The following PPP2R1A variants were observed in gnomAD, a reference collection of about 807,000 sequenced individuals.
The protein encoded by PPP2R1A is protein phosphatase 2 scaffold subunit Aalpha.
Under a neutral mutation model 67.1 loss-of-function variants are expected in PPP2R1A, and 15 were observed. The observed-to-expected ratio is 0.22, with a 90% confidence interval of 0.15 to 0.34. PPP2R1A has a LOEUF of 0.34. Among genes scored for constraint, PPP2R1A ranks in the 10% least tolerant of loss-of-function variants. PPP2R1A has a pLI of 1.00. For missense variants in PPP2R1A, 369 were observed against 775.0 expected (o/e 0.48, Z 6.22); for synonymous variants, 337 against 325.0 (o/e 1.04, Z -0.40).
chr19:52,228,959 G>A lies in PPP2R1A; in HGVS notation c.*2978G>A, dbSNP rs1268170882. 6.6e-6 allele frequency: 1 copy of A among 152,214 alleles called. No individual in the cohort carries two copies. Among genetic ancestry groups the A allele is most frequent in the Non-Finnish European group, 1.5e-5 (1 of 68,076 alleles). The allele number at this position is 152,214 out of a possible 1,614,324, so 9.4% of individuals were successfully genotyped here. A position where few individuals can be genotyped will look rare whatever the true frequency, so the allele number is the denominator to read the frequency against. On this transcript the variant is annotated 3_prime_UTR_variant, in exon 15 of 15. Transcript: ENST00000322088. ...GACTCAGGGTGCAGAATCTGCCTATGGTGCTTGAGCTGTGGTTGTCGCTAG... is the reference window on the plus strand; with the variant it reads ...GACTCAGGGTGCAGAATCTGCCTATAGTGCTTGAGCTGTGGTTGTCGCTAG...
intron 3 of PPP2R1A, among the ~76,000 whole-genome samples, chr19:52,206,496 T>C (rs1198417601): frequency 1.3e-5 from 2 of 152,194 alleles, no homozygotes; most frequent in East Asian, 1.9e-4. Flanking sequence ...TACTAACCGA[T>C]GTTAACTGCA....
In PPP2R1A at chr19:52,212,876, T is replaced by G. The variant is rs1430895735; in HGVS notation, c.651+43T>G. 2.5e-6 allele frequency: 4 copies of G among 1,571,486 alleles called. No homozygotes were observed. Among genetic ancestry groups the G allele is most frequent in the Non-Finnish European group, 3.5e-6 (4 of 1,157,228 alleles). On this transcript the variant is annotated intron_variant, in intron 5 of 14. Coordinates refer to ENST00000322088, the MANE Select transcript of PPP2R1A (RefSeq NM_014225.6). The surrounding 1 kb of genome is among the most constrained non-coding windows in gnomAD (Gnocchi z 4.1). ...GCCCTCTGCTCTCCCGTCCTTCTGGTGGTTCCTGCCCATGAAAGAGAATCC... is the reference window on the plus strand; with the variant it reads ...GCCCTCTGCTCTCCCGTCCTTCTGGGGGTTCCTGCCCATGAAAGAGAATCC...
At chr19:52,217,525 G>A (rs1212478232) in intron 9 of PPP2R1A, among the ~76,000 whole-genome samples, 1 of 152,184 alleles carries the variant, frequency 6.6e-6, no homozygotes, top group Non-Finnish European at 1.5e-5. Context: ...ATCCCCAAAA[G>A]CCTTCAGAGA....
At chr19:52,224,629 T>C (rs994428440) in intron 13 of PPP2R1A, among the ~76,000 whole-genome samples, 1 of 152,232 alleles carries the variant, frequency 6.6e-6, no homozygotes. Context: ...ATCTCCCTGT[T>C]TGGGGCCCCA....
In PPP2R1A at chr19:52,211,497, GTC is replaced by G. The variant is rs1334058250; in HGVS notation, c.503+9_503+10del. On this transcript the variant is annotated splice_donor_region_variant and intron_variant, in intron 4 of 14. Coordinates refer to ENST00000322088, the MANE Select transcript of PPP2R1A (RefSeq NM_014225.6). The surrounding 1 kb of genome is among the most constrained non-coding windows in gnomAD (Gnocchi z 5.3). ...TGTGAAGGCGGAACTTCGACAGTGA[GTC>G]TCTGCCTCCTTGGAAGCTCCAAGCT... 8 of 1,601,186 alleles carry G rather than the reference GTC, an allele frequency of 5.0e-6. No individual in the cohort carries two copies. The African/African-American group carries it at 6.7e-5, about 13-fold the overall frequency.
rs566693169 is a variant in PPP2R1A, at chr19:52,212,004, C to G, written c.503+512C>G. ...CTTGCTTAGATACTTACACTGGCCC[C>G]CACCGCCTTTGATCGAAGCAATTGC... On this transcript the variant is annotated intron_variant, in intron 4 of 14. Transcript: ENST00000322088. The surrounding 1 kb of genome is among the most constrained non-coding windows in gnomAD (Gnocchi z 4.1). 3.3e-5 allele frequency among the ~76,000 whole-genome samples: 5 copies of G among 152,348 alleles called. No individual in the cohort carries two copies. The highest frequency in any genetic ancestry group is 1.2e-4 in the African/African-American group (5 of 41,576).
Position 52,216,312 on chromosome 19 carries a change from G to T in PPP2R1A, c.994-217G>T, listed in dbSNP as rs1978568131. Among the ~76,000 whole-genome samples the T allele has an allele frequency of 6.6e-6, 1 of 152,162 alleles. No individual in the cohort carries two copies. Among genetic ancestry groups the T allele is most frequent in the South Asian group, 2.1e-4 (1 of 4,824 alleles). ...AGTCCTGTCATTCACAGGGTTTTGG[G>T]GTTGGAGTGGGGGCTGCTGAGAGCA... On this transcript the variant is annotated intron_variant, in intron 8 of 14. Transcript: ENST00000322088. This position sits in a 1 kb window ranked among gnomAD's most constrained non-coding sequence, Gnocchi z 4.3.
At chr19:52,223,652 C>T (rs536855618) in intron 13 of PPP2R1A, among the ~76,000 whole-genome samples, 5 of 152,268 alleles carry the variant, frequency 3.3e-5, no homozygotes, top group Admixed American at 2.6e-4. Context: ...CAAATTAAAT[C>T]TCAGTGACAT....
Position 52,211,100 on chromosome 19 carries a change from T to A in PPP2R1A, c.271-160T>A, listed in dbSNP as rs2288410. 0.15 allele frequency among the ~76,000 whole-genome samples: 23,342 copies of A among 152,162 alleles called. 2,172 individuals carry two copies. The highest frequency in any genetic ancestry group is 0.27 in the African/African-American group (11,033 of 41,492). On this transcript the variant is annotated intron_variant, in intron 3 of 14. Transcript: ENST00000322088. This position sits in a 1 kb window ranked among gnomAD's most constrained non-coding sequence, Gnocchi z 5.3. The stretch of plus-strand genomic sequence containing the variant: ...ATATTACGTTTTTCCTTTGAGTCAT[T>A]CATTGCAACCATTTTTAAAGGCTAT...
chr19:52,209,854 T>C (rs74663578), intron 3 of PPP2R1A, among the ~76,000 whole-genome samples: 16,241 of 152,258 alleles, frequency 0.11, 1,032 homozygotes, highest in African/African-American at 0.18. Context: ...ACATACAAGA[T>C]TCTTGAGTTT....
chr19:52,210,489 T>C (rs79072730), intron 3 of PPP2R1A, among the ~76,000 whole-genome samples: 1 of 150,400 alleles, frequency 6.6e-6, no homozygotes, highest in Non-Finnish European at 1.5e-5. Context: ...CTCTTCTTTT[T>C]TTTTTTTTTT....
At chr19:52,203,306 T>C (rs1279893060) in intron 2 of PPP2R1A, among the ~76,000 whole-genome samples, 1 of 152,132 alleles carries the variant, frequency 6.6e-6, no homozygotes, top group Non-Finnish European at 1.5e-5. Context: ...ACTGAACAAA[T>C]GGCCCCAAAC....
chr19:52,190,266 G>T (rs1323876606), intron 1 of PPP2R1A, 92 bp downstream of exon 1: 4 of 1,423,144 alleles, frequency 2.8e-6, no homozygotes, highest in African/African-American at 1.4e-5. Flanking sequence ...TTCGCTGGGA[G>T]TGGCGGAAGG....
chr19:52,200,599 C>T (rs987252814), intron 1 of PPP2R1A, among the ~76,000 whole-genome samples: 1 of 152,202 alleles, frequency 6.6e-6, no homozygotes, highest in Non-Finnish European at 1.5e-5. Flanking sequence ...GGTAGCTTAA[C>T]ACAACGAATT....
Position 52,199,560 on chromosome 19 carries a change from T to C in PPP2R1A, c.79-2384T>C, listed in dbSNP as rs1284758972. ...AGCAGACTACAGTCCATGGGTCCAATTCAGCCCACTGTCTGCTTTTGCAAG... is the reference window on the plus strand; with the variant it reads ...AGCAGACTACAGTCCATGGGTCCAACTCAGCCCACTGTCTGCTTTTGCAAG... On this transcript the variant is annotated intron_variant, in intron 1 of 14. Coordinates refer to ENST00000322088, the MANE Select transcript of PPP2R1A (RefSeq NM_014225.6). Among the ~76,000 whole-genome samples, 5 of 152,214 alleles carry C rather than the reference T, an allele frequency of 3.3e-5. No individual in the cohort carries two copies. The East Asian group carries it at 9.6e-4, about 29-fold the overall frequency.
At chr19:52,220,045 G>A (rs1016207357) in intron 10 of PPP2R1A, 144 bp from the exon 11 acceptor site, 4 of 1,207,666 alleles carry the variant, frequency 3.3e-6, no homozygotes, top group Non-Finnish European at 4.7e-6. Context: ...CAATAAGAGA[G>A]AGGAGGGAAA....
At chr19:52,194,088 C>CAAAAAAAAAA (rs915576804) in intron 1 of PPP2R1A, among the ~76,000 whole-genome samples, 48 of 60,496 alleles carry the variant, frequency 7.9e-4, no homozygotes, top group South Asian at 1.5e-3. Flanking sequence ...ACCCTGTCTC[C>CAAAAAAAAAA]AAAAAAAAAA....
chr19:52,195,680 A>G (rs951778642), intron 1 of PPP2R1A, among the ~76,000 whole-genome samples: 1 of 152,188 alleles, frequency 6.6e-6, no homozygotes, highest in African/African-American at 2.4e-5. Flanking sequence ...TCAGGGAAAC[A>G]TGTAAGTTTA....
chr19:52,211,531 T>G lies in PPP2R1A; in HGVS notation c.503+39T>G, dbSNP rs1346275052. ...TCCTTGGAAGCTCCAAGCTCCCATC[T>G]CAGCTCCAACCTTCTCTAAAGCCTC... On this transcript the variant is annotated intron_variant, in intron 4 of 14. Coordinates refer to ENST00000322088, the MANE Select transcript of PPP2R1A (RefSeq NM_014225.6). This position sits in a 1 kb window ranked among gnomAD's most constrained non-coding sequence, Gnocchi z 5.3. The G allele has an allele frequency of 6.4e-7, 1 of 1,570,406 alleles. No homozygotes were observed. Among genetic ancestry groups the G allele is most frequent in the Non-Finnish European group, 8.7e-7 (1 of 1,155,980 alleles).
Sources: allele counts gnomAD v4.1 joint callset (sites outside exome capture counted in the v4.1 genomes callset), GRCh38; gene constraint gnomAD v4.1.1; non-coding constraint Gnocchi (gnomAD v3.1); transcripts MANE v1.5; gene names NCBI Gene and HGNC (gene_info 2026-07-23, HGNC 2026-07-21).